Variants in NRDE2 observed in about 807,000 individuals in gnomAD.
The protein encoded by NRDE2 is NRDE-2, necessary for RNA interference, domain containing, also known as nuclear exosome regulator NRDE2.
NRDE2 carries 76 observed loss-of-function variants against 124.2 expected under a neutral mutation model. The observed-to-expected ratio is 0.61, with a 90% CI of 0.51 to 0.74. NRDE2 has a LOEUF of 0.74. Among genes scored for constraint, NRDE2 ranks in the 30% least tolerant of loss-of-function variants. The pLI, the probability that NRDE2 is intolerant of heterozygous loss-of-function variation, is 0.00. For synonymous variants in NRDE2, 489 were observed against 528.1 expected (o/e 0.93, Z 1.01); for missense variants, 1,314 against 1,417.3 (o/e 0.93, Z 1.17).
At position 90,293,401 on chromosome 14, in the gene NRDE2, C is replaced by A. The variant is rs79936269; in HGVS notation, c.1667-529G>T. On this transcript the variant is annotated intron_variant, in intron 8 of 13. Coordinates refer to ENST00000354366, the MANE Select transcript of NRDE2 (RefSeq NM_017970.4). ...GAGTAGCTGGGATTACAGGTATGTG[C>A]CACCATGCCTGGCTAATTTTTTGTA... is the stretch of plus-strand genomic sequence containing the variant. 2.6e-4 allele frequency among the ~76,000 whole-genome samples: 39 copies of A among 152,288 alleles called. No homozygotes were observed. In the East Asian group the frequency reaches 5.0e-3, roughly 20 times the overall value.
rs752580313 is a variant in NRDE2 at position 90,289,148 on chromosome 14, AC to A, written c.2230-4del. ...TTAGTGTGCAGGCACCAAATGACCT[AC>A]AGGGAAAAAGAGAAGAATGACTGCA... On this transcript the variant is annotated splice_region_variant and splice_polypyrimidine_tract_variant and intron_variant, in intron 10 of 13. Coordinates refer to ENST00000354366, the MANE Select transcript of NRDE2 (RefSeq NM_017970.4). 6 of 1,588,920 alleles carry A rather than the reference AC, an allele frequency of 3.8e-6. No homozygotes were observed. Among genetic ancestry groups the A allele is most frequent in the Non-Finnish European group, 4.3e-6 (5 of 1,162,902 alleles).
Position 90,307,020 on chromosome 14 carries a change from T to C in NRDE2, c.558-2638A>G, listed in dbSNP as rs932026338. Among the ~76,000 whole-genome samples, 6 of 152,198 alleles carry C rather than the reference T, an allele frequency of 3.9e-5. No individual in the cohort carries two copies. In the East Asian group the frequency reaches 1.2e-3, roughly 29 times the overall value. On this transcript the variant is annotated intron_variant, in intron 4 of 13. Transcript: ENST00000354366. ...TGTTTCCTGACTTTAAACTAACAGC[T>C]GCATTTTTATAACAAATTAGATGAA...
chr14:90,287,742 C>T (rs923162798), intron 11 of NRDE2, among the ~76,000 whole-genome samples: 1 of 152,222 alleles, frequency 6.6e-6, no homozygotes, highest in East Asian at 1.9e-4. Flanking sequence ...AAGCACTTAC[C>T]TCACTGACCC....
intron 12 of NRDE2, among the ~76,000 whole-genome samples, chr14:90,283,287 T>A (rs1442002658): frequency 6.6e-6 from 1 of 152,226 alleles, no homozygotes; most frequent in Non-Finnish European, 1.5e-5. Flanking sequence ...AGGGGCCAGA[T>A]CTTTTTTTCA....
rs1014858448 is a variant in NRDE2, at chr14:90,316,665, C to A, written c.320G>T (p.Ser107Ile). 1 of 1,614,064 alleles carries A rather than the reference C, an allele frequency of 6.2e-7. No individual in the cohort carries two copies. The highest frequency in any genetic ancestry group is 8.5e-7 in the Non-Finnish European group (1 of 1,180,024). The change falls in exon 3 of 14, where the codon AGC (serine) becomes ATC (isoleucine). Residue 107 changes from serine to isoleucine, a missense_variant. Ser to Ile is a moderately radical substitution (Grantham distance 142). Transcript: ENST00000354366. ...KTKRKHGPSSSSRSETDTDSE... is the reference protein window; with the variant it reads ...KTKRKHGPSSISRSETDTDSE... ...ATCGGTGTCTGTCTCAGACCTGCTG[C>A]TACTCGACGGCCCATGCTTCCTCTT...
rs976303098 is a variant in NRDE2, at chr14:90,276,647, G to C, written c.*1689C>G. On this transcript the variant is annotated 3_prime_UTR_variant, in exon 14 of 14. Coordinates refer to ENST00000354366, the MANE Select transcript of NRDE2 (RefSeq NM_017970.4). ...CAAGTAATGTGCTCGCAATCTGTTCGAGCAGCCGCTTTATCCTCTCGGGGG... is the reference window on the plus strand; with the variant it reads ...CAAGTAATGTGCTCGCAATCTGTTCCAGCAGCCGCTTTATCCTCTCGGGGG... The C allele has an allele frequency of 2.0e-5, 3 of 151,996 alleles. No homozygotes were observed. Among genetic ancestry groups the C allele is most frequent in the East Asian group, 3.9e-4 (2 of 5,166 alleles). 9.4% of individuals were successfully genotyped at this position (151,996 alleles called of 1,614,324 possible).
intron 6 of NRDE2, among the ~76,000 whole-genome samples, chr14:90,302,427 A>G (rs117899377): frequency 1.1e-3 from 166 of 152,290 alleles, no homozygotes; most frequent in African/African-American, 2.5e-3. Flanking sequence ...ATCTCGACAG[A>G]TAAGGCCACC....
At chr14:90,318,780 C>CA (rs767131944) in intron 1 of NRDE2, among the ~76,000 whole-genome samples, 11 of 152,134 alleles carry the variant, frequency 7.2e-5, no homozygotes, top group Non-Finnish European at 1.6e-4. Flanking sequence ...GCATGGATGA[C>CA]AGAGTTAGAC....
chr14:90,292,435 C>T (rs1178099152), intron 9 of NRDE2, among the ~76,000 whole-genome samples: 1 of 152,092 alleles, frequency 6.6e-6, no homozygotes, highest in Non-Finnish European at 1.5e-5. Flanking sequence ...CCACAAGGGC[C>T]CACCCACCTA....
chr14:90,306,083 G>A (rs1884588910), intron 4 of NRDE2, among the ~76,000 whole-genome samples: 1 of 152,002 alleles, frequency 6.6e-6, no homozygotes, highest in Non-Finnish European at 1.5e-5. Flanking sequence ...CAAAGTTAAT[G>A]GTAGATGTAG....
intron 7 of NRDE2, among the ~76,000 whole-genome samples, chr14:90,300,384 A>G (rs1011009793): frequency 7.2e-5 from 11 of 152,162 alleles, no homozygotes; most frequent in Admixed American, 2.0e-4. Flanking sequence ...TTTACTGGCA[A>G]TTCATGAAAC....
chr14:90,270,531 A>G lies in NRDE2; in HGVS notation c.*7805T>C. 1.5e-6 allele frequency: 1 copy of G among 669,560 alleles called. No homozygotes were observed. Among genetic ancestry groups the G allele is most frequent in the Non-Finnish European group, 2.3e-6 (1 of 431,628 alleles). 41.5% of individuals were successfully genotyped at this position (669,560 alleles called of 1,614,324 possible). A position where few individuals can be genotyped will look rare whatever the true frequency, so the allele number is the denominator to read the frequency against. On this transcript the variant is annotated 3_prime_UTR_variant, in exon 14 of 14. Transcript: ENST00000354366. Reference sequence around the variant, plus strand: ...GTGCTTGATATTGAAGTCATTCTTAATGCATCATTTTATGCAGTGAATGAC... The same window carrying G: ...GTGCTTGATATTGAAGTCATTCTTAGTGCATCATTTTATGCAGTGAATGAC...
In NRDE2 at chr14:90,267,953, T is replaced by C; in HGVS notation, c.*10383A>G. ...CTTTTCAGGGGAAACTGGGTCAAGG[T>C]TGGAAAATAACCAAGTAAAAAGTAT... On this transcript the variant is annotated 3_prime_UTR_variant, in exon 14 of 14. Transcript: ENST00000354366. The C allele has an allele frequency of 6.1e-6, 2 of 328,984 alleles. No homozygotes were observed. The highest frequency in any genetic ancestry group is 9.1e-5 in the Admixed American group (2 of 21,964). The allele number at this position is 328,984 out of a possible 1,614,324, so 20.4% of individuals were successfully genotyped here. A position where few individuals can be genotyped will look rare whatever the true frequency, so the allele number is the denominator to read the frequency against.
Position 90,292,855 on chromosome 14 carries a change from GT to G in NRDE2, c.1683del (p.Glu561AspfsTer9), listed in dbSNP as rs1161722095. 6.2e-7 allele frequency: 1 copy of G among 1,613,664 alleles called. No homozygotes were observed. The highest frequency in any genetic ancestry group is 8.5e-7 in the Non-Finnish European group (1 of 1,179,828). ...TTTATTTCCTGGTCATCCTCTTCTG[GT>G]TCATCGTCATCCTCATCTAGACAAG... ...VVINPDEDDDEPEEDDQEIKD... is the reference protein window; with the variant it reads ...VVINPDEDDDXPEEDDQEIKD... On this transcript the variant is annotated frameshift_variant, in exon 9 of 14. Coordinates refer to ENST00000354366, the MANE Select transcript of NRDE2 (RefSeq NM_017970.4). LOFTEE classifies it high-confidence loss of function.
Position 90,270,149 on chromosome 14 carries a change from A to G in NRDE2, c.*8187T>C. On this transcript the variant is annotated 3_prime_UTR_variant, in exon 14 of 14. Transcript: ENST00000354366. Reference sequence around the variant, plus strand: ...GGCTGAGGCCTCTGAGCCATGGCCGAGCCTGGGTTTGGATGTTGGTGTGAC... The same window carrying G: ...GGCTGAGGCCTCTGAGCCATGGCCGGGCCTGGGTTTGGATGTTGGTGTGAC... 1 of 1,596,868 alleles carries G rather than the reference A, an allele frequency of 6.3e-7. No homozygotes were observed. The highest frequency in any genetic ancestry group is 8.6e-7 in the Non-Finnish European group (1 of 1,168,006).
At chr14:90,286,921 C>G (rs1360597561) in intron 11 of NRDE2, among the ~76,000 whole-genome samples, 4 of 150,774 alleles carry the variant, frequency 2.7e-5, no homozygotes, top group Admixed American at 6.6e-5. Flanking sequence ...GTAGTCCCAG[C>G]TACTCGGGAG....
chr14:90,279,011 C>T, intron 13 of NRDE2, 51 bp downstream of exon 13: 1 of 1,321,980 alleles, frequency 7.6e-7, no homozygotes, highest in Non-Finnish European at 1.1e-6. Flanking sequence ...GGACGGAGAC[C>T]TGGCGGGAAG....
At chr14:90,301,042 C>T (rs41309248) in intron 7 of NRDE2, among the ~76,000 whole-genome samples, 197 bp downstream of exon 7, 43,301 of 150,228 alleles carry the variant, frequency 0.29, 6,315 homozygotes, top group South Asian at 0.35. Flanking sequence ...ATTTTCATTA[C>T]AAAACTTTCC....
chr14:90,327,557 GAAA>G (rs60195751), intron 1 of NRDE2, among the ~76,000 whole-genome samples: 21 of 106,448 alleles, frequency 2.0e-4, no homozygotes, highest in African/African-American at 6.2e-4. Flanking sequence ...TCTAAAAAAA[GAAA>G]AAAAAAAAAA....
Sources: allele counts gnomAD v4.1 joint callset (sites outside exome capture counted in the v4.1 genomes callset), GRCh38; gene constraint gnomAD v4.1.1; transcripts MANE v1.5; gene names NCBI Gene and HGNC (gene_info 2026-07-23, HGNC 2026-07-21).